STS: variants seen among roughly 807,000 people sequenced by gnomAD.
STS encodes steroid sulfatase, also known as steryl-sulfatase.
A neutral mutation model predicts 26.8 loss-of-function variants in STS; 7 were observed. The ratio of observed to expected loss-of-function variants is 0.26; its 90% CI spans 0.15 to 0.49. The LOEUF (loss-of-function observed/expected upper bound fraction) is 0.49. Ranked by LOEUF, STS falls within the 20% of genes least tolerant of loss-of-function variation. The probability of loss-of-function intolerance (pLI) is 0.98; values close to 1 mark genes in which losing one functional copy is unlikely to be tolerated. For synonymous variants in STS, 199 were observed against 189.4 expected (o/e 1.05, Z -0.42); for missense variants, 434 against 465.6 (o/e 0.93, Z 0.63).
intron 1 of STS, among the ~76,000 whole-genome samples, chrX:7,180,206 A>C (rs1405101575): frequency 9.0e-6 from 1 of 111,604 alleles, no homozygotes; most frequent in Admixed American, 9.5e-5. Context: ...AATACGTAAT[A>C]AAATAATTAT....
At chrX:7,272,752 T>C (rs1190847610) in intron 6 of STS, among the ~76,000 whole-genome samples, 1 of 111,476 alleles carries the variant, frequency 9.0e-6, no homozygotes, top group Non-Finnish European at 1.9e-5. Flanking sequence ...AACACCATGA[T>C]ATAAATGACA....
At chrX:7,324,490 C>G (rs1054699275) in intron 8 of STS, among the ~76,000 whole-genome samples, 2 of 111,845 alleles carry the variant, frequency 1.8e-5, no homozygotes, top group Non-Finnish European at 1.9e-5. Flanking sequence ...CAAGAGACAG[C>G]TTTGTGGGGC....
At chrX:7,216,553 A>C (rs1921320839) in intron 2 of STS, among the ~76,000 whole-genome samples, 1 of 112,032 alleles carries the variant, frequency 8.9e-6, no homozygotes, top group Non-Finnish European at 1.9e-5. Context: ...AAAACATAAC[A>C]GGCACTGACC....
chrX:7,244,102 C>T, intron 2 of STS, among the ~76,000 whole-genome samples: 1 of 111,448 alleles, frequency 9.0e-6, no homozygotes, highest in Non-Finnish European at 1.9e-5. Flanking sequence ...CTCCCAATGA[C>T]TAATGTGTAG....
chrX:7,307,369 C>T (rs1405191372), intron 8 of STS, among the ~76,000 whole-genome samples: 1 of 111,007 alleles, frequency 9.0e-6, no homozygotes, highest in Non-Finnish European at 1.9e-5. Flanking sequence ...AACTGGGGTC[C>T]ACTCACCCAG....
chrX:7,273,121 G>A lies in STS; in HGVS notation c.807-2830G>A, dbSNP rs182159615. On this transcript the variant is annotated intron_variant, in intron 6 of 10. Transcript: ENST00000674429. ...GCTGAGATCATGCCACTGCACTCTA[G>A]CTTGAGCAACACAGCAAGACTCTAT... Among the ~76,000 whole-genome samples, 21 of 111,723 alleles carry A rather than the reference G, an allele frequency of 1.9e-4. No homozygotes were observed. The East Asian group carries it at 4.2e-3, about 23-fold the overall frequency.
intron 1 of STS, among the ~76,000 whole-genome samples, chrX:7,185,538 T>C (rs778161680): frequency 2.7e-5 from 3 of 112,628 alleles, no homozygotes; most frequent in African/African-American, 9.7e-5. Context: ...ATTATTCTCA[T>C]GCTTATCAGT....
At chrX:7,224,556 C>T (rs1367523182) in intron 2 of STS, among the ~76,000 whole-genome samples, 1 of 111,591 alleles carries the variant, frequency 9.0e-6, no homozygotes, top group South Asian at 3.8e-4. Context: ...AGAGAGCTCC[C>T]TCATTCCTTC....
chrX:7,214,577 A>G (rs1262096418), intron 2 of STS, among the ~76,000 whole-genome samples: 3 of 110,820 alleles, frequency 2.7e-5, no homozygotes, highest in Non-Finnish European at 5.7e-5. Context: ...TTTTTGGGAA[A>G]CAGGTGGTGT....
chrX:7,351,949 A>AG lies in STS; in HGVS notation c.*1688_*1689insG, dbSNP rs1349265981. ...GCTTCTCTTTCTAAAAAAAAAAAAA[A>AG]AAAAGAAAGAGAAGAAAGAAGTGAT... On this transcript the variant is annotated 3_prime_UTR_variant, in exon 11 of 11. Coordinates refer to ENST00000674429, the MANE Select transcript of STS (RefSeq NM_001320752.2). 1.8e-5 allele frequency: 2 copies of AG among 109,971 alleles called. No individual in the cohort carries two copies. The highest frequency in any genetic ancestry group is 6.6e-5 in the African/African-American group (2 of 30,276). The allele number at this position is 109,971 out of a possible 1,213,427, so 9.1% of individuals were successfully genotyped here. A position where few individuals can be genotyped will look rare whatever the true frequency, so the allele number is the denominator to read the frequency against.
chrX:7,283,206 C>T (rs1924960597), intron 7 of STS, among the ~76,000 whole-genome samples: 1 of 111,754 alleles, frequency 8.9e-6, no homozygotes, highest in Non-Finnish European at 1.9e-5. Flanking sequence ...AATGTGCTCA[C>T]TTCTGGTGCA....
rs149166391 is a variant in STS, at chrX:7,321,045, A to G, written c.1082-4294A>G. ...CCAAAATACCCATCAACAGTGGACT[A>G]GATAAAGAAAATGTGGTACATACAC... On this transcript the variant is annotated intron_variant, in intron 8 of 10. Transcript: ENST00000674429. Among the ~76,000 whole-genome samples the G allele has an allele frequency of 2.3e-3, 254 of 111,777 alleles. 1 individual carries two copies. Among genetic ancestry groups the G allele is most frequent in the African/African-American group, 8.1e-3 (248 of 30,784 alleles).
rs745928278 is a variant in STS at position 7,160,169 on chromosome X, A to G, written c.-134+12086A>G. Among the ~76,000 whole-genome samples the G allele has an allele frequency of 2.7e-5, 3 of 112,414 alleles. No homozygotes were observed. The East Asian group carries it at 8.3e-4, about 31-fold the overall frequency. ...TATTTACTTTAGTTGCACTGCTTCA[A>G]AGGAAGTCTAAAGGTTTCTATTTAT... is the stretch of plus-strand genomic sequence containing the variant. On this transcript the variant is annotated intron_variant, in intron 1 of 10. Coordinates refer to ENST00000674429, the MANE Select transcript of STS (RefSeq NM_001320752.2).
intron 2 of STS, among the ~76,000 whole-genome samples, chrX:7,232,276 T>C (rs919107468): frequency 2.7e-5 from 3 of 111,606 alleles, no homozygotes; most frequent in Non-Finnish European, 5.7e-5. Context: ...GGTGCATGAG[T>C]GAGGAGGGAG....
intron 2 of STS, among the ~76,000 whole-genome samples, chrX:7,220,138 T>G (rs1442237728): frequency 8.9e-6 from 1 of 111,860 alleles, no homozygotes; most frequent in Non-Finnish European, 1.9e-5. Flanking sequence ...TTGGTGTGTT[T>G]TTATTTTTTG....
intron 2 of STS, among the ~76,000 whole-genome samples, chrX:7,194,852 G>C (rs901081374): frequency 9.0e-6 from 1 of 111,664 alleles, no homozygotes; most frequent in East Asian, 2.8e-4. Context: ...TAGTCACCGC[G>C]TGAACATAAT....
At chrX:7,302,940 T>C (rs1165722637) in intron 7 of STS, among the ~76,000 whole-genome samples, 1 of 111,703 alleles carries the variant, frequency 9.0e-6, no homozygotes, top group Non-Finnish European at 1.9e-5. Flanking sequence ...TTGATTCCCA[T>C]GTCTAGACCA....
intron 2 of STS, among the ~76,000 whole-genome samples, chrX:7,230,962 C>G (rs1019142228): frequency 3.6e-5 from 4 of 111,994 alleles, no homozygotes; most frequent in African/African-American, 1.3e-4. Flanking sequence ...TGACAGAAGC[C>G]AGATACAAAA....
At position 7,322,906 on chromosome X, in the gene STS, G is replaced by T. The variant is rs745949181; in HGVS notation, c.1082-2433G>T. Among the ~76,000 whole-genome samples, 9 of 111,899 alleles carry T rather than the reference G, an allele frequency of 8.0e-5. No individual in the cohort carries two copies. In the Admixed American group the frequency reaches 8.6e-4, roughly 11 times the overall value. ...TGAACTCACCCTTCCTGCCTCTGCC[G>T]GTACCCTTTCGATGCTGTATTTAAT... On this transcript the variant is annotated intron_variant, in intron 8 of 10. Transcript: ENST00000674429.
Sources: allele counts gnomAD v4.1 joint callset (sites outside exome capture counted in the v4.1 genomes callset), GRCh38; gene constraint gnomAD v4.1.1; transcripts MANE v1.5; gene names NCBI Gene and HGNC (gene_info 2026-07-23, HGNC 2026-07-21).